The following BCOR variants were observed in gnomAD, a reference collection of about 807,000 sequenced individuals.
BCOR encodes BCL6 corepressor, also known as BCL-6 corepressor.
In BCOR, 10 loss-of-function variants were observed where a neutral mutation model predicts 86.7. The ratio of observed to expected loss-of-function variants is 0.12; its 90% CI spans 0.07 to 0.20. The LOEUF is 0.20. Ranked by LOEUF, BCOR falls within the 10% of genes least tolerant of loss-of-function variation. The probability of loss-of-function intolerance (pLI) is 1.00; values close to 1 mark genes in which losing one functional copy is unlikely to be tolerated. For synonymous variants in BCOR, 611 were observed against 609.0 expected (o/e 1.00, Z -0.05); for missense variants, 1,259 against 1,452.1 (o/e 0.87, Z 2.16).
rs1270966750 is a variant in BCOR, at chrX:40,074,728, G to A, written c.618C>T (p.Phe206=). 2 of 1,211,755 alleles carry A rather than the reference G, an allele frequency of 1.7e-6. No homozygotes were observed. The highest frequency in any genetic ancestry group is 2.2e-6 in the Non-Finnish European group (2 of 895,453). Residue 206 remains phenylalanine, a synonymous_variant, in exon 4 of 15, where the codon TTC becomes TTT. Transcript: ENST00000378444. The stretch of plus-strand genomic sequence containing the variant: ...GTGAATACTTATTTGGCGAGTCGAG[G>A]AAAGGGTAGATGGCTGGCGTGGCAC... The part of the protein sequence containing the change: ...MEGATPAIYP[F]LDSPNKYSLN...
At chrX:40,123,460 C>T (rs1226033230) in intron 1 of BCOR, among the ~76,000 whole-genome samples, 2 of 110,514 alleles carry the variant, frequency 1.8e-5, no homozygotes, top group Non-Finnish European at 1.9e-5. Flanking sequence ...TCAAGCGATT[C>T]TCCTGCCTCA....
chrX:40,165,834 G>A (rs1289803504), intron 1 of BCOR, among the ~76,000 whole-genome samples: 2 of 111,543 alleles, frequency 1.8e-5, no homozygotes, highest in Non-Finnish European at 3.8e-5. Flanking sequence ...CTGTCACTTA[G>A]TGGCACAATC....
At chrX:40,117,421 C>T (rs762057224) in intron 1 of BCOR, among the ~76,000 whole-genome samples, 4 of 111,860 alleles carry the variant, frequency 3.6e-5, no homozygotes, top group South Asian at 3.7e-4. Context: ...TAGGATCATA[C>T]GGTCTATTCC....
chrX:40,174,590 C>T (rs1472726769), intron 1 of BCOR, among the ~76,000 whole-genome samples: 2 of 112,822 alleles, frequency 1.8e-5, no homozygotes, highest in African/African-American at 3.2e-5. Flanking sequence ...AAACGCAGAA[C>T]CATCTACTAC....
At chrX:40,053,689 C>T in intron 14 of BCOR, 197 bp downstream of exon 14, 6 of 486,543 alleles carry the variant, frequency 1.2e-5, no homozygotes, top group Non-Finnish European at 2.1e-5. Context: ...CATGCTGTGC[C>T]CCACCCCCCA....
chrX:40,084,498 CCTTA>C lies in BCOR; in HGVS notation c.-40-6533_-40-6530del, dbSNP rs1387331877. On this transcript the variant is annotated intron_variant, in intron 1 of 14. Coordinates refer to ENST00000378444, the MANE Select transcript of BCOR (RefSeq NM_001123385.2). ...CCCAAGTCAAAAGCCAGGAATCCCT[CCTTA>C]CTATCTTCCCTCCACGCAAAAAGAA... Among the ~76,000 whole-genome samples, 3 of 112,017 alleles carry C rather than the reference CCTTA, an allele frequency of 2.7e-5. No individual in the cohort carries two copies. In the East Asian group the frequency reaches 8.4e-4, roughly 31 times the overall value.
chrX:40,165,088 G>A (rs1457905519), intron 1 of BCOR, among the ~76,000 whole-genome samples: 1 of 111,528 alleles, frequency 9.0e-6, no homozygotes, highest in Non-Finnish European at 1.9e-5. Context: ...GGAGGGGAAT[G>A]GGGAGAGCCC....
chrX:40,165,259 C>T (rs1281092621), intron 1 of BCOR, among the ~76,000 whole-genome samples: 1 of 111,714 alleles, frequency 9.0e-6, no homozygotes, highest in Non-Finnish European at 1.9e-5. Context: ...AGCAAAGAGA[C>T]GCAGGCAACC....
At chrX:40,063,980 C>T (rs1404481133) in intron 7 of BCOR, 28 bp from the exon 8 acceptor site, 1 of 943,434 alleles carries the variant, frequency 1.1e-6, no homozygotes, top group African/African-American at 2.1e-5. Context: ...ACAAATTAAT[C>T]AAAAAGCCCC....
chrX:40,052,689 C>T (rs991553718), intron 14 of BCOR, among the ~76,000 whole-genome samples: 2 of 108,197 alleles, frequency 1.8e-5, no homozygotes, highest in African/African-American at 3.4e-5. Flanking sequence ...CTCAGCCTCC[C>T]GAGTAGCTGG....
chrX:40,075,265 C>T, intron 3 of BCOR, 85 bp from the exon 4 acceptor site: 1 of 839,390 alleles, frequency 1.2e-6, no homozygotes, highest in Non-Finnish European at 1.7e-6. Context: ...GTTCAACATG[C>T]CATCAGCCTT....
chrX:40,107,178 C>T (rs1937205917), intron 1 of BCOR, among the ~76,000 whole-genome samples: 1 of 112,101 alleles, frequency 8.9e-6, no homozygotes. Context: ...ACTGCACAGC[C>T]CCCTCCCGTA....
Position 40,062,851 on chromosome X carries a change from C to A in BCOR, c.4068G>T (p.Lys1356Asn). 1 of 1,211,758 alleles carries A rather than the reference C, an allele frequency of 8.3e-7. No individual in the cohort carries two copies. Among genetic ancestry groups the A allele is most frequent in the Non-Finnish European group, 1.1e-6 (1 of 895,397 alleles). Residue 1356 changes from lysine (K) to asparagine (N), a missense_variant, in exon 9 of 15, where the codon AAG becomes AAT. Lys to Asn is a moderately conservative substitution (Grantham distance 94, BLOSUM62 0). Transcript: ENST00000378444. Reference protein sequence around the residue: ...LLQKYTDNSEKPSGKRLCKTK... With the variant: ...LLQKYTDNSENPSGKRLCKTK... The stretch of plus-strand genomic sequence containing the variant: ...TTTTGCACAGTCTCTTCCCGGATGG[C>A]TTCTCGCTGTTGTCGGTGTATTTCT...
chrX:40,083,744 A>C (rs1936220983), intron 1 of BCOR, among the ~76,000 whole-genome samples: 1 of 112,168 alleles, frequency 8.9e-6, no homozygotes, highest in Admixed American at 9.2e-5. Context: ...GCGGGGCCGC[A>C]CCACGGCACA....
At chrX:40,176,443 T>G in intron 1 of BCOR, among the ~76,000 whole-genome samples, 1 of 112,241 alleles carries the variant, frequency 8.9e-6, no homozygotes, top group African/African-American at 3.2e-5. Context: ...GGATGGCGGT[T>G]CCGGTCGTTC....
At chrX:40,159,417 G>A (rs1157499513) in intron 1 of BCOR, among the ~76,000 whole-genome samples, 1 of 113,036 alleles carries the variant, frequency 8.8e-6, no homozygotes, top group Non-Finnish European at 1.9e-5. Context: ...CGCGATCTCC[G>A]CTCACTGCAA....
chrX:40,173,145 A>C (rs749299549), intron 1 of BCOR, among the ~76,000 whole-genome samples: 1 of 111,729 alleles, frequency 9.0e-6, no homozygotes, highest in East Asian at 2.8e-4. Flanking sequence ...CAAACAGATC[A>C]CTTTCATTAC....
At chrX:40,124,893 C>T (rs1937522129) in intron 1 of BCOR, among the ~76,000 whole-genome samples, 1 of 111,027 alleles carries the variant, frequency 9.0e-6, no homozygotes, top group Middle Eastern at 4.6e-3. Context: ...CTGAAACACC[C>T]CTTACATATA....
intron 1 of BCOR, among the ~76,000 whole-genome samples, chrX:40,111,585 GCT>G (rs1483557228): frequency 8.9e-6 from 1 of 112,052 alleles, no homozygotes; most frequent in African/African-American, 3.2e-5. Context: ...AAGAAGATCT[GCT>G]CTGTGTATTG....
Sources: allele counts gnomAD v4.1 joint callset (sites outside exome capture counted in the v4.1 genomes callset), GRCh38; gene constraint gnomAD v4.1.1; transcripts MANE v1.5; gene names NCBI Gene and HGNC (gene_info 2026-07-23, HGNC 2026-07-21).